Variants in HABP2 observed in about 807,000 individuals in gnomAD.
HABP2 encodes the protein factor VII-activating protease.
A neutral mutation model predicts 66.5 loss-of-function variants in HABP2; 65 were observed. The observed-to-expected ratio is 0.98, with a 90% CI of 0.80 to 1.20. The LOEUF (loss-of-function observed/expected upper bound fraction) is 1.20, where lower values mean the gene tolerates loss of function less well. Among genes scored for constraint, HABP2 ranks in the 50% most tolerant of loss-of-function variants. The probability of loss-of-function intolerance (pLI) is 0.00; values close to 1 mark genes in which losing one functional copy is unlikely to be tolerated. For synonymous variants in HABP2, 263 were observed against 253.9 expected, an observed-to-expected ratio of 1.04 and a Z score of -0.34; for missense variants, 786 against 691.0, an observed-to-expected ratio of 1.14 and a Z score of -1.54.
chr10:113,556,014 G>A (rs1321719777), intron 1 of HABP2, among the ~76,000 whole-genome samples: 1 of 152,050 alleles, frequency 6.6e-6, no homozygotes, highest in Admixed American at 6.6e-5. Context: ...GCTTATCTCA[G>A]CCCATCCCTA....
chr10:113,579,813 C>T (rs1390611942), intron 7 of HABP2, among the ~76,000 whole-genome samples: 1 of 150,860 alleles, frequency 6.6e-6, no homozygotes, highest in Non-Finnish European at 1.5e-5. Context: ...GATGGAGTCT[C>T]ACTCTGTCAC....
chr10:113,587,429 G>A (rs1359738641), intron 12 of HABP2, among the ~76,000 whole-genome samples: 2 of 152,152 alleles, frequency 1.3e-5, no homozygotes, highest in East Asian at 1.9e-4. Context: ...ACCTGTTTCT[G>A]TCTCTTACTG....
At chr10:113,569,051 G>A (rs1845254380) in intron 2 of HABP2, among the ~76,000 whole-genome samples, 1 of 152,126 alleles carries the variant, frequency 6.6e-6, no homozygotes, top group Non-Finnish European at 1.5e-5. Flanking sequence ...GGAGCTACAG[G>A]GTCAGATTTG....
chr10:113,582,183 T>A (rs375925175), intron 9 of HABP2, 52 bp downstream of exon 9: 4 of 1,542,496 alleles, frequency 2.6e-6, no homozygotes, highest in Non-Finnish European at 3.5e-6. Flanking sequence ...CTGGGGGTGC[T>A]CTCCCCTTCC....
In HABP2 at chr10:113,589,312, T is replaced by C. The variant is rs1006932283; in HGVS notation, c.*943T>C. The C allele has an allele frequency of 2.6e-5, 15 of 577,320 alleles. No homozygotes were observed. The highest frequency in any genetic ancestry group is 4.3e-5 in the Non-Finnish European group (14 of 326,932). 35.8% of individuals were successfully genotyped at this position (577,320 alleles called of 1,614,324 possible). ...TTCTTTCTTCTGAACAAAGTAGGGT[T>C]CAAAATGCAGACTGTCATATCCAGC... On this transcript the variant is annotated 3_prime_UTR_variant, in exon 13 of 13. Transcript: ENST00000351270.
intron 4 of HABP2, 86 bp from the exon 5 acceptor site, chr10:113,577,064 C>T: frequency 7.6e-6 from 6 of 786,662 alleles, no homozygotes; most frequent in South Asian, 7.4e-5. Context: ...CTGTCAGTCA[C>T]CCCACCCTCA....
chr10:113,554,710 T>C (rs543058598), intron 1 of HABP2, among the ~76,000 whole-genome samples: 95 of 152,284 alleles, frequency 6.2e-4, no homozygotes, highest in African/African-American at 1.9e-3. Context: ...ATCCTAAACT[T>C]TGCGGGCAAG....
chr10:113,585,966 T>C, intron 12 of HABP2, 28 bp downstream of exon 12: 2 of 1,606,388 alleles, frequency 1.2e-6, no homozygotes, highest in Non-Finnish European at 1.7e-6. Flanking sequence ...GTGCTTGTGG[T>C]AGGAGAGGCT....
In HABP2 at chr10:113,577,196, C is replaced by T. The variant is rs1207281537; in HGVS notation, c.378C>T (p.Leu126=). 1 of 1,613,260 alleles carries T rather than the reference C, an allele frequency of 6.2e-7. No homozygotes were observed. Among genetic ancestry groups the T allele is most frequent in the East Asian group, 2.2e-5 (1 of 44,878 alleles). Residue 126 remains leucine (L), a synonymous_variant, in exon 5 of 13, where the codon CTC becomes CTT. Coordinates refer to ENST00000351270, the MANE Select transcript of HABP2 (RefSeq NM_004132.5). ...ACCCATGTGGCCGGGGCCAATGTCT[C>T]ATTACCCAGAGTCCTCCCTACTACC... ...KDNPCGRGQC[L]ITQSPPYYRC...
intron 6 of HABP2, 95 bp downstream of exon 6, chr10:113,578,240 TC>T (rs1466672621): frequency 3.6e-6 from 5 of 1,370,974 alleles, no homozygotes; most frequent in Non-Finnish European, 5.1e-6. Context: ...AAATCAAGTT[TC>T]CCAAACTCGA....
intron 10 of HABP2, 75 bp from the exon 11 acceptor site, chr10:113,584,073 T>C: frequency 2.2e-6 from 3 of 1,369,538 alleles, no homozygotes; most frequent in Non-Finnish European, 3.1e-6. Context: ...GCCACCTTCA[T>C]GAGCAAGTTG....
chr10:113,553,401 T>C (rs1370494377), intron 1 of HABP2, among the ~76,000 whole-genome samples: 2 of 152,256 alleles, frequency 1.3e-5, no homozygotes, highest in Non-Finnish European at 2.9e-5. Flanking sequence ...TGAGCCATCT[T>C]GGAGCGGAGC....
At chr10:113,577,117 C>G in intron 4 of HABP2, 33 bp from the exon 5 acceptor site, 1 of 1,206,118 alleles carries the variant, frequency 8.3e-7, no homozygotes, top group Non-Finnish European at 1.2e-6. Flanking sequence ...AAATGTGCCC[C>G]AAATAATGTC....
Position 113,589,195 on chromosome 10 carries a change from C to T in HABP2, c.*826C>T, listed in dbSNP as rs1360158796. The T allele has an allele frequency of 2.6e-6, 2 of 779,452 alleles. No individual in the cohort carries two copies. Among genetic ancestry groups the T allele is most frequent in the Non-Finnish European group, 4.1e-6 (2 of 488,118 alleles). The allele number at this position is 779,452 out of a possible 1,614,324, so 48.3% of individuals were successfully genotyped here. ...GGGAGCATTTAACAGGCTCACCCTC[C>T]CTTTCCTTTTCCCCTCTTCTACCCT... On this transcript the variant is annotated 3_prime_UTR_variant, in exon 13 of 13. Transcript: ENST00000351270.
In HABP2 at chr10:113,585,854, C is replaced by A; in HGVS notation, c.1434C>A (p.Asn478Lys). 6.2e-7 allele frequency: 1 copy of A among 1,613,238 alleles called. No individual in the cohort carries two copies. The highest frequency in any genetic ancestry group is 8.5e-7 in the Non-Finnish European group (1 of 1,179,144). ...AGCTGATTGCCAACACTTTGTGCAA[C>A]TCCCGCCAACTCTATGACCACATGA... ...KVKLIANTLC[N>K]SRQLYDHMID... Residue 478 changes from asparagine to lysine, a missense_variant, in exon 12 of 13, where the codon AAC (asparagine) becomes AAA (lysine). Physicochemically the swap from Asn to Lys is moderately conservative, Grantham distance 94 (BLOSUM62 0). Coordinates refer to ENST00000351270, the MANE Select transcript of HABP2 (RefSeq NM_004132.5).
chr10:113,577,198 T>A lies in HABP2; in HGVS notation c.380T>A (p.Ile127Asn). 1 of 1,613,402 alleles carries A rather than the reference T, an allele frequency of 6.2e-7. No individual in the cohort carries two copies. The highest frequency in any genetic ancestry group is 8.5e-7 in the Non-Finnish European group (1 of 1,179,302). ...DNPCGRGQCL[I>N]TQSPPYYRCV... The stretch of plus-strand genomic sequence containing the variant: ...CCATGTGGCCGGGGCCAATGTCTCA[T>A]TACCCAGAGTCCTCCCTACTACCGC... Residue 127 changes from isoleucine to asparagine, a missense_variant, in exon 5 of 13, where the codon ATT becomes AAT. By Grantham distance (149) the Ile-to-Asn change is moderately radical. Coordinates refer to ENST00000351270, the MANE Select transcript of HABP2 (RefSeq NM_004132.5).
At chr10:113,579,531 G>A (rs1845480677) in intron 7 of HABP2, among the ~76,000 whole-genome samples, 1 of 152,234 alleles carries the variant, frequency 6.6e-6, no homozygotes, top group South Asian at 2.1e-4. Flanking sequence ...TCTGTTGAAG[G>A]TGATGGTCTC....
At chr10:113,580,409 A>G (rs1592698191) in intron 7 of HABP2, among the ~76,000 whole-genome samples, 186 bp from the exon 8 acceptor site, 1 of 152,124 alleles carries the variant, frequency 6.6e-6, no homozygotes, top group Non-Finnish European at 1.5e-5. Context: ...AGAAGAAAAG[A>G]TTTTGCCAGA....
intron 1 of HABP2, among the ~76,000 whole-genome samples, chr10:113,559,831 T>C (rs1592682535): frequency 1.3e-5 from 2 of 152,148 alleles, no homozygotes; most frequent in South Asian, 4.2e-4. Flanking sequence ...CTGGGTAGGG[T>C]CTGAGTGGCC....
Sources: allele counts gnomAD v4.1 joint callset (sites outside exome capture counted in the v4.1 genomes callset), GRCh38; gene constraint gnomAD v4.1.1; transcripts MANE v1.5; gene names NCBI Gene and HGNC (gene_info 2026-07-23, HGNC 2026-07-21).